PRKG1: variants seen among roughly 807,000 people sequenced by gnomAD.
PRKG1 encodes protein kinase cGMP-dependent 1.
A neutral mutation model predicts 88.1 loss-of-function variants in PRKG1; 35 were observed. That is an observed-to-expected ratio of 0.40 (90% CI 0.30 to 0.53). The LOEUF (loss-of-function observed/expected upper bound fraction) is 0.53, where lower values mean the gene tolerates loss of function less well. Among genes scored for constraint, PRKG1 ranks in the 20% least tolerant of loss-of-function variants. The probability of loss-of-function intolerance (pLI) is 0.59; values close to 1 mark genes in which losing one functional copy is unlikely to be tolerated. For missense variants in PRKG1, 540 were observed against 839.8 expected, an observed-to-expected ratio of 0.64 and a Z score of 4.41; for synonymous variants, 303 against 292.5, an observed-to-expected ratio of 1.04 and a Z score of -0.37.
Position 51,379,209 on chromosome 10 carries a change from A to G in PRKG1, c.479-88514A>G, listed in dbSNP as rs563831506. On this transcript the variant is annotated intron_variant, in intron 2 of 17. Transcript: ENST00000373980. ...TTGTATCAGTTAGTATTGATACCAC[A>G]TACCTTGTGATGTCTGGCACAAGGT... Among the ~76,000 whole-genome samples the G allele has an allele frequency of 9.6e-4, 147 of 152,336 alleles. 4 individuals are homozygous for G. In the South Asian group the frequency reaches 0.029, roughly 30 times the overall value.
chr10:51,264,983 A>G (rs557517757), intron 2 of PRKG1, among the ~76,000 whole-genome samples: 5 of 152,186 alleles, frequency 3.3e-5, no homozygotes, highest in Admixed American at 6.5e-5. Context: ...GAAAAATAAG[A>G]TAAGCTATAA....
intron 2 of PRKG1, among the ~76,000 whole-genome samples, chr10:51,447,090 T>C (rs1181618795): frequency 6.6e-6 from 1 of 152,046 alleles, no homozygotes; most frequent in Non-Finnish European, 1.5e-5. Flanking sequence ...ATACCGCCAA[T>C]TGAGTCTGTC....
intron 12 of PRKG1, among the ~76,000 whole-genome samples, chr10:52,278,271 T>A (rs1365419558): frequency 1.3e-5 from 2 of 152,116 alleles, no homozygotes; most frequent in Admixed American, 1.3e-4. Flanking sequence ...TTAGATACCA[T>A]CTCATGCCAG....
At chr10:51,115,662 A>AC (rs1290628313) in intron 1 of PRKG1, among the ~76,000 whole-genome samples, 3 of 151,152 alleles carry the variant, frequency 2.0e-5, no homozygotes, top group Non-Finnish European at 4.4e-5. Flanking sequence ...ACATGGTGAA[A>AC]CCCCGTCTCT....
chr10:51,494,784 G>GAC (rs1840806348), intron 3 of PRKG1, among the ~76,000 whole-genome samples: 1 of 152,118 alleles, frequency 6.6e-6, no homozygotes, highest in Non-Finnish European at 1.5e-5. Flanking sequence ...TGGTGTTTGT[G>GAC]ACTTCGAAAA....
At chr10:51,789,145 C>CA (rs1456839661) in intron 3 of PRKG1, among the ~76,000 whole-genome samples, 1 of 152,202 alleles carries the variant, frequency 6.6e-6, no homozygotes, top group African/African-American at 2.4e-5. Context: ...TTTAGGGATA[C>CA]AGCCTATCCA....
chr10:50,992,773 T>C (rs1272779031), intron 1 of PRKG1, among the ~76,000 whole-genome samples: 1 of 131,894 alleles, frequency 7.6e-6, no homozygotes, highest in South Asian at 2.7e-4. Flanking sequence ...CTCTGGACAT[T>C]AGGGAGAGGA....
intron 9 of PRKG1, among the ~76,000 whole-genome samples, chr10:52,171,992 CG>C (rs1265170394): frequency 6.7e-6 from 1 of 150,108 alleles, no homozygotes; most frequent in Non-Finnish European, 1.5e-5. Flanking sequence ...TTAGTAGAGG[CG>C]GGGTTTCACC....
At chr10:51,691,314 T>C in intron 3 of PRKG1, among the ~76,000 whole-genome samples, 1 of 150,772 alleles carries the variant, frequency 6.6e-6, no homozygotes, top group South Asian at 2.1e-4. Context: ...TTATCTTTTT[T>C]TTTTTTTTTT....
At chr10:51,657,648 C>T (rs1331408084) in intron 3 of PRKG1, among the ~76,000 whole-genome samples, 1 of 152,082 alleles carries the variant, frequency 6.6e-6, no homozygotes, top group East Asian at 1.9e-4. Flanking sequence ...AGAATTATGG[C>T]CCATTCTTCA....
intron 4 of PRKG1, among the ~76,000 whole-genome samples, chr10:51,805,111 G>A (rs1035154233): frequency 2.6e-5 from 4 of 152,052 alleles, no homozygotes; most frequent in Non-Finnish European, 5.9e-5. Context: ...CTGTAAGGCC[G>A]AGTCATCTCT....
intron 2 of PRKG1, among the ~76,000 whole-genome samples, chr10:51,253,321 G>A (rs1023316690): frequency 1.3e-5 from 2 of 151,836 alleles, no homozygotes; most frequent in African/African-American, 4.8e-5. Flanking sequence ...TACAAATCAA[G>A]ATCAGTGTTA....
chr10:51,665,945 T>A (rs1316865744), intron 3 of PRKG1, among the ~76,000 whole-genome samples: 1 of 151,614 alleles, frequency 6.6e-6, no homozygotes, highest in Admixed American at 6.6e-5. Flanking sequence ...GTTTGTGTGT[T>A]TGTGTGTGTG....
chr10:51,764,435 T>C (rs1314055564), intron 3 of PRKG1, among the ~76,000 whole-genome samples: 3 of 152,186 alleles, frequency 2.0e-5, no homozygotes, highest in Admixed American at 2.0e-4. Context: ...TTGCTGATGC[T>C]TTGTTTCCTT....
At chr10:51,426,012 A>G (rs915277472) in intron 2 of PRKG1, among the ~76,000 whole-genome samples, 7 of 152,228 alleles carry the variant, frequency 4.6e-5, no homozygotes, top group African/African-American at 1.7e-4. Context: ...GCGGTGGCTC[A>G]TGCCTGTAAT....
At chr10:51,271,813 A>G (rs1839986841) in intron 2 of PRKG1, among the ~76,000 whole-genome samples, 1 of 152,180 alleles carries the variant, frequency 6.6e-6, no homozygotes, top group Non-Finnish European at 1.5e-5. Flanking sequence ...TATCCAGTCT[A>G]TCACTGATGG....
intron 1 of PRKG1, among the ~76,000 whole-genome samples, chr10:51,100,624 A>T (rs1298284441): frequency 6.6e-6 from 1 of 152,160 alleles, no homozygotes; most frequent in East Asian, 1.9e-4. Flanking sequence ...TTATCAAATA[A>T]ATATGTTCCT....
intron 1 of PRKG1, among the ~76,000 whole-genome samples, chr10:51,145,187 T>G (rs1407377589): frequency 6.6e-6 from 1 of 152,206 alleles, no homozygotes; most frequent in Non-Finnish European, 1.5e-5. Flanking sequence ...GCCCTGATGA[T>G]AGGGTTGCCC....
chr10:52,274,702 C>A (rs1273638330), intron 12 of PRKG1, among the ~76,000 whole-genome samples: 5 of 150,440 alleles, frequency 3.3e-5, no homozygotes, highest in Non-Finnish European at 7.4e-5. Context: ...ATAATGACTT[C>A]TTTTCATCTG....
Sources: gnomAD v4.1 joint callset for allele counts (sites outside exome capture counted in the v4.1 genomes callset) on GRCh38, gnomAD v4.1.1 for gene constraint, MANE v1.5 for transcripts, NCBI Gene and HGNC (gene_info 2026-07-23, HGNC 2026-07-21) for gene names.